Variants in GEMIN5 observed in about 807,000 individuals in gnomAD.
The protein encoded by GEMIN5 is gem-associated protein 5.
A neutral mutation model predicts 176.9 loss-of-function variants in GEMIN5; 124 were observed. That is an observed-to-expected ratio of 0.70 (90% CI 0.61 to 0.81). The LOEUF is 0.81. Ranked by LOEUF, GEMIN5 falls within the 40% of genes least tolerant of loss-of-function variation. The pLI is 0.00. For missense variants in GEMIN5, 1,843 were observed against 1,814.6 expected (o/e 1.02, Z -0.28); for synonymous variants, 673 against 665.2 (o/e 1.01, Z -0.18).
intron 16 of GEMIN5, 135 bp downstream of exon 16, chr5:154,907,456 T>TGAAAAAAAA (rs76813157): frequency 0.87 from 469,397 of 542,054 alleles, 199,467 homozygotes; most frequent in Middle Eastern, 0.92. Flanking sequence ...GAATAAAGCT[T>TGAAAAAAAA]AACAAAAAAA....
chr5:154,912,775 A>G (rs1446240846), intron 14 of GEMIN5, 124 bp downstream of exon 14: 3 of 818,128 alleles, frequency 3.7e-6, no homozygotes, highest in Non-Finnish European at 5.5e-6. Flanking sequence ...TAGAGCCCAG[A>G]AAATCTCCTT....
intron 9 of GEMIN5, among the ~76,000 whole-genome samples, chr5:154,921,739 A>T (rs1298200317): frequency 6.6e-6 from 1 of 152,174 alleles, no homozygotes; most frequent in Non-Finnish European, 1.5e-5. Flanking sequence ...TCACCACCCA[A>T]ATGTATTCAC....
chr5:154,926,194 C>T, intron 7 of GEMIN5, 120 bp from the exon 8 acceptor site: 1 of 617,514 alleles, frequency 1.6e-6, no homozygotes, highest in Non-Finnish European at 2.9e-6. Flanking sequence ...TGTCTTCCAG[C>T]AGGAATTGAA....
intron 19 of GEMIN5, 91 bp downstream of exon 19, chr5:154,902,989 T>C (rs1001969059): frequency 2.1e-5 from 18 of 857,586 alleles, no homozygotes; most frequent in Non-Finnish European, 3.4e-5. Context: ...ACCATTATAA[T>C]ATCACAGGAT....
chr5:154,922,533 C>CT (rs1763945581), intron 9 of GEMIN5, among the ~76,000 whole-genome samples: 3 of 152,236 alleles, frequency 2.0e-5, no homozygotes, highest in Admixed American at 2.0e-4. Flanking sequence ...GCAATACCCA[C>CT]CACTCTCTGG....
chr5:154,911,995 A>C (rs1349600808), intron 14 of GEMIN5, 97 bp from the exon 15 acceptor site: 2 of 1,133,328 alleles, frequency 1.8e-6, no homozygotes, highest in Non-Finnish European at 2.5e-6. Flanking sequence ...AAAAAACAAA[A>C]ACAATCTGCG....
chr5:154,907,405 G>C (rs1039202156), intron 16 of GEMIN5, among the ~76,000 whole-genome samples, 186 bp downstream of exon 16: 2 of 150,554 alleles, frequency 1.3e-5, no homozygotes, highest in Non-Finnish European at 2.9e-5. Flanking sequence ...ACATCCACTA[G>C]AACCCCTTTA....
In GEMIN5 at chr5:154,901,429, T is replaced by C; in HGVS notation, c.2924A>G (p.Gln975Arg). ...VEAFAKQLCFQDQYVKAASHL... is the reference protein window; with the variant it reads ...VEAFAKQLCFRDQYVKAASHL... ...AGAAGCAGCCTTGACATACTGATCCTGAAAACACAGCTGTTTGGCAAAAGC... is the reference window on the plus strand; with the variant it reads ...AGAAGCAGCCTTGACATACTGATCCCGAAAACACAGCTGTTTGGCAAAAGC... Residue 975 changes from glutamine to arginine, a missense_variant, in exon 21 of 28, where the codon CAG (glutamine) becomes CGG (arginine). Physicochemically the swap from Gln to Arg is conservative, Grantham distance 43. Coordinates refer to ENST00000285873, the MANE Select transcript of GEMIN5 (RefSeq NM_015465.5). The C allele has an allele frequency of 3.1e-6, 5 of 1,613,914 alleles. No individual in the cohort carries two copies. The highest frequency in any genetic ancestry group is 1.1e-5 in the South Asian group (1 of 91,074).
chr5:154,908,401 A>C (rs1763619219), intron 15 of GEMIN5, among the ~76,000 whole-genome samples: 1 of 151,918 alleles, frequency 6.6e-6, no homozygotes, highest in Admixed American at 6.6e-5. Context: ...GGCTGGTCTC[A>C]AACTCCTGAC....
chr5:154,892,617 T>C, intron 24 of GEMIN5, 68 bp from the exon 25 acceptor site: 4 of 1,468,060 alleles, frequency 2.7e-6, no homozygotes, highest in Non-Finnish European at 3.7e-6. Flanking sequence ...GCCACCAAAC[T>C]GTTCCTGTGA....
At chr5:154,894,192 G>A (rs182159132) in intron 24 of GEMIN5, among the ~76,000 whole-genome samples, 62 of 152,170 alleles carry the variant, frequency 4.1e-4, no homozygotes, top group African/African-American at 1.4e-3. Flanking sequence ...CGATCCACCC[G>A]CGTTGGCCTC....
At chr5:154,889,146 G>C (rs1447191465) in intron 27 of GEMIN5, among the ~76,000 whole-genome samples, 175 bp downstream of exon 27, 2 of 148,912 alleles carry the variant, frequency 1.3e-5, no homozygotes, top group Non-Finnish European at 3.0e-5. Flanking sequence ...AAAGCGCTGG[G>C]ATTACAGGCG....
chr5:154,937,164 T>G lies in GEMIN5; in HGVS notation c.188A>C (p.His63Pro). The part of the protein sequence containing the change: ...PFRVIGELVG[H>P]TERVSGFTFS... Reference sequence around the variant, plus strand: ...TGTGAAGCCAGAGACCCTTTCGGTGTGTCCCACCAACTCTCCTATGACTTT... The same window carrying G: ...TGTGAAGCCAGAGACCCTTTCGGTGGGTCCCACCAACTCTCCTATGACTTT... Residue 63 changes from histidine to proline, a missense_variant, in exon 2 of 28, where the codon CAC becomes CCC. Physicochemically the swap from His to Pro is moderately conservative, Grantham distance 77 (BLOSUM62 -2). Coordinates refer to ENST00000285873, the MANE Select transcript of GEMIN5 (RefSeq NM_015465.5). 4 of 1,611,736 alleles carry G rather than the reference T, an allele frequency of 2.5e-6. No individual in the cohort carries two copies. Among genetic ancestry groups the G allele is most frequent in the Non-Finnish European group, 3.4e-6 (4 of 1,178,458 alleles).
intron 24 of GEMIN5, among the ~76,000 whole-genome samples, chr5:154,893,223 C>T (rs995127278): frequency 2.2e-4 from 28 of 126,890 alleles, no homozygotes; most frequent in African/African-American, 7.2e-4. Flanking sequence ...GAGGCTGAGG[C>T]GGGCGGATCA....
At chr5:154,902,458 GT>G in intron 20 of GEMIN5, 80 bp downstream of exon 20, 2 of 1,295,720 alleles carry the variant, frequency 1.5e-6, no homozygotes, top group Non-Finnish European at 2.2e-6. Flanking sequence ...GCTTAAGACT[GT>G]GCTAAGAGCC....
chr5:154,914,741 A>G (rs961936819), intron 13 of GEMIN5, among the ~76,000 whole-genome samples: 3 of 152,164 alleles, frequency 2.0e-5, no homozygotes, highest in Non-Finnish European at 4.4e-5. Flanking sequence ...CACCACACGT[A>G]GCCTAAACTA....
intron 15 of GEMIN5, 23 bp from the exon 16 acceptor site, chr5:154,907,841 C>T: frequency 1.9e-6 from 3 of 1,552,244 alleles, no homozygotes; most frequent in Non-Finnish European, 2.7e-6. Context: ...CAATAAAGGA[C>T]TGACTAAAGT....
Position 154,925,857 on chromosome 5 carries a change from C to G in GEMIN5, c.1293+5G>C, listed in dbSNP as rs773331202. On this transcript the variant is annotated splice_donor_5th_base_variant and intron_variant, in intron 8 of 27. Coordinates refer to ENST00000285873, the MANE Select transcript of GEMIN5 (RefSeq NM_015465.5). ...TCAAAACAAGCTCAAAAAAAGAATCCTTACCGCTGTAACCTTGGACTTCAC... is the reference window on the plus strand; with the variant it reads ...TCAAAACAAGCTCAAAAAAAGAATCGTTACCGCTGTAACCTTGGACTTCAC... 1.7e-5 allele frequency: 27 copies of G among 1,563,866 alleles called. No individual in the cohort carries two copies. Among genetic ancestry groups the G allele is most frequent in the Non-Finnish European group, 2.3e-5 (26 of 1,137,896 alleles).
chr5:154,896,447 G>A, intron 23 of GEMIN5, 104 bp from the exon 24 acceptor site: 1 of 1,190,958 alleles, frequency 8.4e-7, no homozygotes, highest in Non-Finnish European at 1.1e-6. Flanking sequence ...TGTATCTGCA[G>A]CAACCAAAGC....
Sources: allele counts gnomAD v4.1 joint callset (sites outside exome capture counted in the v4.1 genomes callset), GRCh38; gene constraint gnomAD v4.1.1; transcripts MANE v1.5; gene names NCBI Gene and HGNC (gene_info 2026-07-23, HGNC 2026-07-21).